Variants in EYA4 observed in about 807,000 individuals in gnomAD.
The protein encoded by EYA4 is EYA transcriptional coactivator and phosphatase 4.
EYA4 carries 31 observed loss-of-function variants against 87.9 expected under a neutral mutation model. That is an observed-to-expected ratio of 0.35 (90% CI 0.27 to 0.48). EYA4 has a LOEUF of 0.48. Among genes scored for constraint, EYA4 ranks in the 20% least tolerant of loss-of-function variants. The pLI, the probability that EYA4 is intolerant of heterozygous loss-of-function variation, is 0.99. For synonymous variants in EYA4, 263 were observed against 270.6 expected, an observed-to-expected ratio of 0.97 and a Z score of 0.28; for missense variants, 678 against 761.4, an observed-to-expected ratio of 0.89 and a Z score of 1.29.
At chr6:133,394,291 T>TTTTTTTG (rs1787587614) in intron 3 of EYA4, among the ~76,000 whole-genome samples, 1 of 28,660 alleles carries the variant, frequency 3.5e-5, no homozygotes, top group African/African-American at 5.2e-5. Flanking sequence ...TGTGTTTTTT[T>TTTTTTTG]TTTTTTTTTT....
chr6:133,429,076 G>A (rs530548302), intron 3 of EYA4, among the ~76,000 whole-genome samples: 26 of 151,318 alleles, frequency 1.7e-4, no homozygotes, highest in East Asian at 3.9e-4. Context: ...ACAGGTGTGC[G>A]CCACCACACC....
intron 2 of EYA4, among the ~76,000 whole-genome samples, chr6:133,343,696 A>G (rs1381040769): frequency 6.6e-6 from 1 of 151,872 alleles, no homozygotes; most frequent in Non-Finnish European, 1.5e-5. Context: ...ATTACTATTT[A>G]CAAAGTGTTT....
intron 1 of EYA4, among the ~76,000 whole-genome samples, chr6:133,255,982 CT>C (rs1775303487): frequency 6.6e-6 from 1 of 151,772 alleles, no homozygotes; most frequent in Non-Finnish European, 1.5e-5. Context: ...TACCAAAATG[CT>C]TTTTAAAAAG....
At chr6:133,311,811 C>G (rs1216296107) in intron 2 of EYA4, among the ~76,000 whole-genome samples, 1 of 152,054 alleles carries the variant, frequency 6.6e-6, no homozygotes, top group Non-Finnish European at 1.5e-5. Flanking sequence ...GTGTCCAACA[C>G]CGGCACTGTG....
chr6:133,446,784 A>G (rs773804827), intron 4 of EYA4, 30 bp downstream of exon 4: 1 of 1,608,082 alleles, frequency 6.2e-7, no homozygotes, highest in Non-Finnish European at 8.5e-7. Flanking sequence ...GATACCCAGA[A>G]TCATATTTCA....
chr6:133,369,567 A>G (rs964804043), intron 2 of EYA4, among the ~76,000 whole-genome samples: 6 of 152,182 alleles, frequency 3.9e-5, no homozygotes, highest in Non-Finnish European at 8.8e-5. Flanking sequence ...AGAGCCCTGT[A>G]CTTTTTAGAG....
intron 3 of EYA4, among the ~76,000 whole-genome samples, chr6:133,390,722 ATGTATG>A (rs1787187686): frequency 6.6e-6 from 1 of 152,180 alleles, no homozygotes; most frequent in Non-Finnish European, 1.5e-5. Flanking sequence ...GAGTAAAATC[ATGTATG>A]TGTGAACTCT....
At chr6:133,436,595 C>G (rs1478434123) in intron 3 of EYA4, among the ~76,000 whole-genome samples, 1 of 152,162 alleles carries the variant, frequency 6.6e-6, no homozygotes, top group African/African-American at 2.4e-5. Context: ...GTTATTCTTA[C>G]TTTTCAGGTA....
intron 3 of EYA4, among the ~76,000 whole-genome samples, chr6:133,426,975 A>G (rs771717487): frequency 1.2e-4 from 18 of 152,196 alleles, no homozygotes; most frequent in Admixed American, 5.9e-4. Flanking sequence ...ATCGGAATCT[A>G]TATTTTCCCC....
chr6:133,425,415 T>G (rs1790582606), intron 3 of EYA4, among the ~76,000 whole-genome samples: 1 of 149,814 alleles, frequency 6.7e-6, no homozygotes. Context: ...ATAATATCCA[T>G]CTTCTACCCA....
intron 16 of EYA4, among the ~76,000 whole-genome samples, chr6:133,513,825 T>G (rs1035699670): frequency 6.6e-6 from 1 of 152,162 alleles, no homozygotes; most frequent in Non-Finnish European, 1.5e-5. Context: ...GCTTCTCTTT[T>G]TTTCTAAAAA....
At chr6:133,453,540 G>C (rs977131732) in intron 5 of EYA4, 2 of 151,916 alleles carry the variant, frequency 1.3e-5, no homozygotes, top group African/African-American at 4.8e-5. Context: ...AAAAATAGTT[G>C]TTTATTATTA....
At chr6:133,489,339 A>T (rs775936781) in intron 13 of EYA4, among the ~76,000 whole-genome samples, 107 of 152,320 alleles carry the variant, frequency 7.0e-4, no homozygotes, top group Non-Finnish European at 8.2e-4. Flanking sequence ...AGGTTTATTG[A>T]AAAGGATAAT....
At position 133,295,526 on chromosome 6, in the gene EYA4, A is replaced by G. The variant is rs546327978; in HGVS notation, c.33+20713A>G. On this transcript the variant is annotated intron_variant, in intron 2 of 19. Coordinates refer to ENST00000355286, the MANE Select transcript of EYA4 (RefSeq NM_004100.5). Reference sequence around the variant, plus strand: ...ATTGTTTATCGAGTACCTACTAATTATAAACCACAGTGATTATATATGACA... The same window carrying G: ...ATTGTTTATCGAGTACCTACTAATTGTAAACCACAGTGATTATATATGACA... 4.3e-4 allele frequency among the ~76,000 whole-genome samples: 66 copies of G among 152,352 alleles called. 1 individual carries two copies. Among genetic ancestry groups the G allele is most frequent in the Admixed American group, 1.2e-3 (18 of 15,306 alleles).
intron 2 of EYA4, among the ~76,000 whole-genome samples, chr6:133,282,798 A>G (rs1356044018): frequency 3.9e-5 from 6 of 152,188 alleles, no homozygotes; most frequent in Admixed American, 2.0e-4. Flanking sequence ...GTGATTTGCC[A>G]TGGACTTGGT....
At chr6:133,307,286 C>T (rs1465744276) in intron 2 of EYA4, among the ~76,000 whole-genome samples, 1 of 152,134 alleles carries the variant, frequency 6.6e-6, no homozygotes, top group Non-Finnish European at 1.5e-5. Flanking sequence ...AGAACTAAAT[C>T]AGTGAAGTTA....
chr6:133,316,964 T>C (rs1380633552), intron 2 of EYA4, among the ~76,000 whole-genome samples: 1 of 152,182 alleles, frequency 6.6e-6, no homozygotes, highest in African/African-American at 2.4e-5. Context: ...TCGGCCTGCA[T>C]AGAAGCAAAG....
chr6:133,447,881 T>TAAAA (rs1793010862), intron 4 of EYA4, among the ~76,000 whole-genome samples: 1 of 152,190 alleles, frequency 6.6e-6, no homozygotes. Context: ...GTACAAATAA[T>TAAAA]AAAATTTAAA....
Position 133,529,350 on chromosome 6 carries a change from G to A in EYA4, c.*545G>A. 1 of 993,584 alleles carries A rather than the reference G, an allele frequency of 1.0e-6. No homozygotes were observed. Among genetic ancestry groups the A allele is most frequent in the Non-Finnish European group, 1.2e-6 (1 of 833,880 alleles). 61.5% of individuals were successfully genotyped at this position (993,584 alleles called of 1,614,324 possible). ...TTAGCAGCTGACTTTCAAAGTGGATGCAATTTTTCTTTCTTTTGTTGGGGA... is the reference window on the plus strand; with the variant it reads ...TTAGCAGCTGACTTTCAAAGTGGATACAATTTTTCTTTCTTTTGTTGGGGA... On this transcript the variant is annotated 3_prime_UTR_variant, in exon 20 of 20. Transcript: ENST00000355286.
Sources: allele counts gnomAD v4.1 joint callset (sites outside exome capture counted in the v4.1 genomes callset), GRCh38; gene constraint gnomAD v4.1.1; transcripts MANE v1.5; gene names NCBI Gene and HGNC (gene_info 2026-07-23, HGNC 2026-07-21).